Variants in ADAMTS14 observed in about 807,000 individuals in gnomAD.
ADAMTS14 encodes the protein ADAM metallopeptidase with thrombospondin type 1 motif 14.
A neutral mutation model predicts 128.6 loss-of-function variants in ADAMTS14; 100 were observed. That is an observed-to-expected ratio of 0.78 (90% CI 0.66 to 0.92). The LOEUF is 0.92. Ranked by LOEUF, ADAMTS14 falls within the 40% of genes least tolerant of loss-of-function variation. The probability of loss-of-function intolerance (pLI) is 0.00; values close to 1 mark genes in which losing one functional copy is unlikely to be tolerated. For missense variants in ADAMTS14, 1,562 were observed against 1,658.6 expected (o/e 0.94, Z 1.01); for synonymous variants, 665 against 653.8 (o/e 1.02, Z -0.26).
At chr10:70,752,054 C>T in intron 17 of ADAMTS14, 41 bp from the exon 18 acceptor site, 1 of 1,581,178 alleles carries the variant, frequency 6.3e-7, no homozygotes, top group South Asian at 1.2e-5. Flanking sequence ...CAATGGGGGG[C>T]CTGGCTGGAC....
At chr10:70,704,848 G>A (rs1188062899) in intron 3 of ADAMTS14, among the ~76,000 whole-genome samples, 2 of 151,358 alleles carry the variant, frequency 1.3e-5, no homozygotes, top group African/African-American at 4.9e-5. Flanking sequence ...GCAAACACAC[G>A]CTTACAAGCA....
At chr10:70,711,699 A>T (rs191322362) in intron 4 of ADAMTS14, among the ~76,000 whole-genome samples, 5 of 152,288 alleles carry the variant, frequency 3.3e-5, no homozygotes, top group African/African-American at 1.2e-4. Context: ...GAGTTCCCTG[A>T]GGGGAGGGGC....
chr10:70,728,480 A>G (rs1244220508), intron 4 of ADAMTS14, among the ~76,000 whole-genome samples: 1 of 152,216 alleles, frequency 6.6e-6, no homozygotes, highest in African/African-American at 2.4e-5. Flanking sequence ...CCACTCAGGA[A>G]ATGGGTGTCC....
chr10:70,743,945 C>T, intron 13 of ADAMTS14, 121 bp from the exon 14 acceptor site: 4 of 1,361,440 alleles, frequency 2.9e-6, no homozygotes, highest in Non-Finnish European at 4.0e-6. Flanking sequence ...GAATCCTGTC[C>T]AGGGACATCT....
At chr10:70,739,597 C>T (rs1419443508) in intron 11 of ADAMTS14, among the ~76,000 whole-genome samples, 1 of 152,060 alleles carries the variant, frequency 6.6e-6, no homozygotes, top group East Asian at 1.9e-4. Context: ...TTTAGAACAG[C>T]ACCACGGGAG....
At chr10:70,729,687 G>T (rs999166219) in intron 5 of ADAMTS14, among the ~76,000 whole-genome samples, 1 of 152,094 alleles carries the variant, frequency 6.6e-6, no homozygotes, top group Non-Finnish European at 1.5e-5. Context: ...GTTGAGCCCT[G>T]GTGCCCTGCG....
Position 70,757,256 on chromosome 10 carries a change from G to T in ADAMTS14, c.2938-706G>T, listed in dbSNP as rs529812307. Among the ~76,000 whole-genome samples, 3 of 152,272 alleles carry T rather than the reference G, an allele frequency of 2.0e-5. No homozygotes were observed. In the South Asian group the frequency reaches 6.2e-4, roughly 32 times the overall value. On this transcript the variant is annotated intron_variant, in intron 19 of 21. Coordinates refer to ENST00000373207, the MANE Select transcript of ADAMTS14 (RefSeq NM_080722.4). ...TGTGTGGCCACCCCCTGCAAACGGT[G>T]GTCCTCGGTCCTCTGGTGCCTCCTG...
chr10:70,706,684 C>T lies in ADAMTS14; in HGVS notation c.680-1904C>T, dbSNP rs80245206. On this transcript the variant is annotated intron_variant, in intron 3 of 21. Coordinates refer to ENST00000373207, the MANE Select transcript of ADAMTS14 (RefSeq NM_080722.4). ...GCTGTGTGTCCACCCAGAGGGCTTT[C>T]CCTGCCAGGCCAGTGGCCACACGTT... Among the ~76,000 whole-genome samples the T allele has an allele frequency of 9.7e-3, 1,480 of 152,346 alleles. 25 individuals carry two copies. The highest frequency in any genetic ancestry group is 0.082 in the East Asian group (428 of 5,188).
At chr10:70,733,438 T>A (rs1029004728) in intron 7 of ADAMTS14, among the ~76,000 whole-genome samples, 1 of 151,760 alleles carries the variant, frequency 6.6e-6, no homozygotes. Flanking sequence ...TGAGGTTGAG[T>A]TGAGTTGAAT....
At chr10:70,735,073 T>C (rs1841781504) in intron 8 of ADAMTS14, 96 bp from the exon 9 acceptor site, 1 of 1,481,890 alleles carries the variant, frequency 6.7e-7, no homozygotes, top group East Asian at 2.3e-5. Flanking sequence ...TGCAAATTCT[T>C]GCAGGCCTTG....
In ADAMTS14 at chr10:70,758,236, G is replaced by A. The variant is rs141007215; in HGVS notation, c.3129G>A (p.Gln1043=). ...DVWELGTPEG[Q]WVPQSEPLHP... is the part of the protein sequence containing the mutation. ...GGGAACTTGGGACGCCAGAGGGGCAGTGGGTGCCACAATCTGAACCCCTAC... is the reference window on the plus strand; with the variant it reads ...GGGAACTTGGGACGCCAGAGGGGCAATGGGTGCCACAATCTGAACCCCTAC... Residue 1043 remains glutamine, a synonymous_variant, in exon 21 of 22, where the codon CAG becomes CAA. Coordinates refer to ENST00000373207, the MANE Select transcript of ADAMTS14 (RefSeq NM_080722.4). The A allele has an allele frequency of 4.2e-5, 67 of 1,614,156 alleles. No homozygotes were observed. Among genetic ancestry groups the A allele is most frequent in the Non-Finnish European group, 5.6e-5 (66 of 1,180,060 alleles).
chr10:70,694,257 C>G (rs770340212), intron 2 of ADAMTS14, among the ~76,000 whole-genome samples: 1 of 152,218 alleles, frequency 6.6e-6, no homozygotes, highest in Non-Finnish European at 1.5e-5. Flanking sequence ...GAGCGTTTGT[C>G]GTCTGTGTGA....
At chr10:70,703,193 G>C (rs576508221) in intron 3 of ADAMTS14, among the ~76,000 whole-genome samples, 2 of 152,216 alleles carry the variant, frequency 1.3e-5, no homozygotes, top group Admixed American at 6.5e-5. Flanking sequence ...CAGGCGACCA[G>C]TGCAGGAGGC....
intron 4 of ADAMTS14, among the ~76,000 whole-genome samples, chr10:70,709,116 CG>C (rs1483918722): frequency 6.6e-6 from 1 of 152,180 alleles, no homozygotes; most frequent in Non-Finnish European, 1.5e-5. Flanking sequence ...CAGGGTCAGG[CG>C]TGGCCTGGAG....
At chr10:70,677,665 T>C (rs1839686610) in intron 2 of ADAMTS14, among the ~76,000 whole-genome samples, 1 of 152,138 alleles carries the variant, frequency 6.6e-6, no homozygotes, top group Non-Finnish European at 1.5e-5. Context: ...CAGAGGCCAG[T>C]CCTGAAGTCC....
chr10:70,756,647 C>A (rs955575087), intron 19 of ADAMTS14, among the ~76,000 whole-genome samples: 1 of 152,208 alleles, frequency 6.6e-6, no homozygotes, highest in Non-Finnish European at 1.5e-5. Flanking sequence ...TGGCACTAGA[C>A]AAGCTTTTGG....
chr10:70,748,050 A>C (rs1299470174), intron 15 of ADAMTS14, among the ~76,000 whole-genome samples: 1 of 151,978 alleles, frequency 6.6e-6, no homozygotes, highest in Non-Finnish European at 1.5e-5. Flanking sequence ...GAAGAGAAGG[A>C]GAACTCATGC....
chr10:70,729,912 G>A (rs906607307), intron 5 of ADAMTS14, among the ~76,000 whole-genome samples, 190 bp from the exon 6 acceptor site: 3 of 152,238 alleles, frequency 2.0e-5, no homozygotes, highest in African/African-American at 7.2e-5. Flanking sequence ...TGCTTGGCAC[G>A]TGATCATCCC....
intron 2 of ADAMTS14, among the ~76,000 whole-genome samples, chr10:70,687,052 G>T (rs1839987963): frequency 7.4e-6 from 1 of 134,564 alleles, no homozygotes; most frequent in Admixed American, 7.1e-5. Flanking sequence ...TGGCCGGGCG[G>T]GGGGGCTGAC....
Sources: allele counts gnomAD v4.1 joint callset (sites outside exome capture counted in the v4.1 genomes callset), GRCh38; gene constraint gnomAD v4.1.1; transcripts MANE v1.5; gene names NCBI Gene and HGNC (gene_info 2026-07-23, HGNC 2026-07-21).